PLCB1: variants seen among roughly 807,000 people sequenced by gnomAD.
PLCB1 encodes the protein phospholipase C beta 1, also known as 1-phosphatidylinositol 4,5-bisphosphate phosphodiesterase beta-1.
In PLCB1, 46 loss-of-function variants were observed where a neutral mutation model predicts 161.8. The observed-to-expected ratio is 0.28, with a 90% confidence interval of 0.22 to 0.36. The LOEUF (loss-of-function observed/expected upper bound fraction) is 0.36, where lower values mean the gene tolerates loss of function less well. Ranked by LOEUF, PLCB1 falls within the 10% of genes least tolerant of loss-of-function variation. The pLI is 1.00. For missense variants in PLCB1, 1,016 were observed against 1,472.5 expected (o/e 0.69, Z 5.07); for synonymous variants, 517 against 503.7 (o/e 1.03, Z -0.35).
intron 7 of PLCB1, among the ~76,000 whole-genome samples, 173 bp from the exon 8 acceptor site, chr20:8,657,008 GAAT>G (rs934659111): frequency 1.3e-5 from 2 of 151,860 alleles, no homozygotes; most frequent in African/African-American, 4.8e-5. Context: ...GGTGTGTTAT[GAAT>G]GTTTACCCTG....
At chr20:8,864,763 TC>T (rs1156856320) in intron 31 of PLCB1, among the ~76,000 whole-genome samples, 2 of 152,184 alleles carry the variant, frequency 1.3e-5, no homozygotes, top group African/African-American at 4.8e-5. Context: ...AGAAGATTTT[TC>T]CTGTCACTGG....
intron 3 of PLCB1, among the ~76,000 whole-genome samples, chr20:8,542,787 G>A (rs2423371): frequency 0.37 from 56,538 of 152,032 alleles, 11,274 homozygotes; most frequent in African/African-American, 0.46. Context: ...TCAGATCAGG[G>A]AAGGAAACTG....
Position 8,738,566 on chromosome 20 carries a change from AAC to A in PLCB1, c.2209-691_2209-690del, listed in dbSNP as rs111751824. On this transcript the variant is annotated intron_variant, in intron 20 of 31. Transcript: ENST00000338037. Reference sequence around the variant, plus strand: ...GTATAATAATAATAATAAAAATTAAAACACAAATTAAAAAAAAAGAAAACATA... The same window carrying A: ...GTATAATAATAATAATAAAAATTAAAACAAATTAAAAAAAAAGAAAACATA... Among the ~76,000 whole-genome samples the A allele has an allele frequency of 4.2e-3, 646 of 152,324 alleles. 3 individuals carry two copies. The highest frequency in any genetic ancestry group is 0.015 in the African/African-American group (613 of 41,572).
At chr20:8,411,141 A>G (rs1168269948) in intron 3 of PLCB1, among the ~76,000 whole-genome samples, 1 of 152,226 alleles carries the variant, frequency 6.6e-6, no homozygotes, top group Non-Finnish European at 1.5e-5. Context: ...AAACTGCACC[A>G]GTGTGCTAAC....
intron 2 of PLCB1, among the ~76,000 whole-genome samples, chr20:8,283,886 C>G (rs1048543187): frequency 6.6e-6 from 1 of 151,994 alleles, no homozygotes; most frequent in Admixed American, 6.6e-5. Flanking sequence ...TAAATTTTCT[C>G]TATATGACCG....
At chr20:8,839,233 G>T (rs1289320816) in intron 31 of PLCB1, among the ~76,000 whole-genome samples, 1 of 152,188 alleles carries the variant, frequency 6.6e-6, no homozygotes, top group East Asian at 1.9e-4. Context: ...GGGACATGTT[G>T]AGATATTCTT....
chr20:8,175,860 G>A (rs1170254852), intron 2 of PLCB1, among the ~76,000 whole-genome samples: 10 of 151,976 alleles, frequency 6.6e-5, no homozygotes, highest in Non-Finnish European at 1.5e-5. Context: ...TTAGAAAATG[G>A]GTAAAAGGTC....
At chr20:8,169,116 C>T (rs561477583) in intron 2 of PLCB1, among the ~76,000 whole-genome samples, 130 of 151,956 alleles carry the variant, frequency 8.6e-4, no homozygotes, top group African/African-American at 3.0e-3. Context: ...ACAGGGCATG[C>T]GGTGAAGGGG....
Position 8,583,371 on chromosome 20 carries a change from G to A in PLCB1, c.247-44923G>A, listed in dbSNP as rs190002115. ...ATTCTTATGTTATTTCTATTTTATC[G>A]CAATTAAAAATACAAAATAAAAGAC... On this transcript the variant is annotated intron_variant, in intron 3 of 31. Transcript: ENST00000338037. Among the ~76,000 whole-genome samples the A allele has an allele frequency of 1.3e-3, 191 of 151,998 alleles. 3 individuals are homozygous for A. Among genetic ancestry groups the A allele is most frequent in the South Asian group, 0.011 (51 of 4,820 alleles).
chr20:8,592,059 T>G, intron 3 of PLCB1, among the ~76,000 whole-genome samples: 1 of 152,350 alleles, frequency 6.6e-6, no homozygotes. Context: ...AAGGTAATTT[T>G]ATACACTATT....
At chr20:8,162,173 G>T (rs751953266) in intron 2 of PLCB1, among the ~76,000 whole-genome samples, 2 of 152,014 alleles carry the variant, frequency 1.3e-5, no homozygotes, top group Non-Finnish European at 2.9e-5. Flanking sequence ...TTAGCTGTTT[G>T]TTTTATCGTT....
chr20:8,298,294 CAA>C (rs11474417), intron 2 of PLCB1, among the ~76,000 whole-genome samples: 19 of 113,000 alleles, frequency 1.7e-4, no homozygotes, highest in Non-Finnish European at 1.4e-4. Flanking sequence ...GACTATGTCT[CAA>C]AAAAAAAAAA....
intron 31 of PLCB1, among the ~76,000 whole-genome samples, chr20:8,830,696 A>G (rs1347935370): frequency 2.6e-5 from 4 of 152,206 alleles, no homozygotes; most frequent in East Asian, 1.9e-4. Context: ...TAATTTAAGC[A>G]TCTCATTAGA....
intron 3 of PLCB1, among the ~76,000 whole-genome samples, chr20:8,374,366 G>T (rs1480236293): frequency 3.9e-5 from 6 of 152,188 alleles, no homozygotes; most frequent in Non-Finnish European, 8.8e-5. Context: ...ATGCAAAACT[G>T]TGAGTCAGTT....
At chr20:8,541,594 AAG>A (rs1985328292) in intron 3 of PLCB1, among the ~76,000 whole-genome samples, 1 of 151,724 alleles carries the variant, frequency 6.6e-6, no homozygotes, top group Admixed American at 6.6e-5. Context: ...GAAAGAAAGA[AAG>A]AAAGAAAGAA....
intron 2 of PLCB1, among the ~76,000 whole-genome samples, chr20:8,160,322 G>C (rs2051609517): frequency 6.6e-6 from 1 of 152,098 alleles, no homozygotes; most frequent in African/African-American, 2.4e-5. Context: ...TTTTTACCCA[G>C]TTCCAAAGTT....
chr20:8,785,886 A>C (rs906421487), intron 27 of PLCB1, among the ~76,000 whole-genome samples: 3 of 152,322 alleles, frequency 2.0e-5, no homozygotes, highest in African/African-American at 7.2e-5. Flanking sequence ...GGAAACAGGA[A>C]TATAATTGTT....
chr20:8,546,313 C>CAAAAAAAAAAA (rs369485988), intron 3 of PLCB1, among the ~76,000 whole-genome samples: 2 of 102,932 alleles, frequency 1.9e-5, no homozygotes, highest in African/African-American at 3.8e-5. Context: ...GACTCTATCT[C>CAAAAAAAAAAA]AAAAAAAAAA....
chr20:8,578,717 G>C (rs902373248), intron 3 of PLCB1, among the ~76,000 whole-genome samples: 1 of 152,108 alleles, frequency 6.6e-6, no homozygotes, highest in African/African-American at 2.4e-5. Flanking sequence ...ACCATTCGGG[G>C]TCATTACAAA....
Sources: gnomAD v4.1 joint callset for allele counts (sites outside exome capture counted in the v4.1 genomes callset) on GRCh38, gnomAD v4.1.1 for gene constraint, MANE v1.5 for transcripts, NCBI Gene and HGNC (gene_info 2026-07-23, HGNC 2026-07-21) for gene names.